NUDCD3: variants seen among roughly 807,000 people sequenced by gnomAD.
NUDCD3 encodes nudC domain-containing protein 3.
A neutral mutation model predicts 39.7 loss-of-function variants in NUDCD3; 13 were observed. The ratio of observed to expected loss-of-function variants is 0.33; its 90% confidence interval spans 0.21 to 0.52. The LOEUF is 0.52. NUDCD3 is among the 20% of genes least tolerant of loss of function. The pLI, the probability that NUDCD3 is intolerant of heterozygous loss-of-function variation, is 0.96. For synonymous variants in NUDCD3, 175 were observed against 172.4 expected (o/e 1.02, Z -0.12); for missense variants, 453 against 458.1 (o/e 0.99, Z 0.10).
chr7:44,466,243 T>G (rs1800116296), intron 2 of NUDCD3, among the ~76,000 whole-genome samples: 1 of 151,928 alleles, frequency 6.6e-6, no homozygotes, highest in African/African-American at 2.4e-5. Flanking sequence ...CACCCTAAAT[T>G]GGAAAATACT....
chr7:44,430,946 G>A (rs1174305485), intron 2 of NUDCD3, among the ~76,000 whole-genome samples: 5 of 152,140 alleles, frequency 3.3e-5, no homozygotes, highest in African/African-American at 4.8e-5. Flanking sequence ...TCCTCCTGCC[G>A]TGTCCTCAGT....
intron 4 of NUDCD3, among the ~76,000 whole-genome samples, chr7:44,403,882 G>A (rs1011843885): frequency 4.6e-5 from 7 of 152,112 alleles, no homozygotes; most frequent in Admixed American, 6.5e-5. Context: ...ACCTCCACTT[G>A]GGCACCAGCA....
chr7:44,485,524 T>C, intron 1 of NUDCD3: 1 of 477,486 alleles, frequency 2.1e-6, no homozygotes, highest in South Asian at 3.4e-5. Context: ...TAACAATATT[T>C]ACATACCTAA....
At chr7:44,427,004 G>C (rs554821809) in intron 3 of NUDCD3, among the ~76,000 whole-genome samples, 10 of 152,174 alleles carry the variant, frequency 6.6e-5, no homozygotes, top group Admixed American at 3.9e-4. Flanking sequence ...CACCATACAC[G>C]GGGAGGTGCT....
intron 4 of NUDCD3, among the ~76,000 whole-genome samples, chr7:44,401,686 G>A (rs151011051): frequency 1.1e-4 from 16 of 152,278 alleles, no homozygotes; most frequent in African/African-American, 3.1e-4. Context: ...CCGTGTTCAC[G>A]GGCAGTGACA....
At chr7:44,457,475 A>G (rs902660989) in intron 2 of NUDCD3, among the ~76,000 whole-genome samples, 7 of 152,378 alleles carry the variant, frequency 4.6e-5, no homozygotes, top group Non-Finnish European at 8.8e-5. Flanking sequence ...GCAGGTTACA[A>G]GATCACTATA....
chr7:44,451,886 G>A (rs983549827), intron 2 of NUDCD3, among the ~76,000 whole-genome samples: 1 of 151,852 alleles, frequency 6.6e-6, no homozygotes, highest in African/African-American at 2.4e-5. Flanking sequence ...TCACCTGAGA[G>A]AAAAAACAAA....
rs550961166 is a variant in NUDCD3 at position 44,414,541 on chromosome 7, A to G, written c.643-9958T>C. ...CATGCATAAAAATATTTGTTGAAATATCCCCAAAACCAGTTATGTGATGAC... is the reference window on the plus strand; with the variant it reads ...CATGCATAAAAATATTTGTTGAAATGTCCCCAAAACCAGTTATGTGATGAC... On this transcript the variant is annotated intron_variant, in intron 3 of 5. Transcript: ENST00000355451. Among the ~76,000 whole-genome samples, 12 of 152,342 alleles carry G rather than the reference A, an allele frequency of 7.9e-5. No homozygotes were observed. In the South Asian group the frequency reaches 2.5e-3, roughly 32 times the overall value.
intron 2 of NUDCD3, among the ~76,000 whole-genome samples, chr7:44,482,002 G>A (rs1400632547): frequency 6.6e-6 from 1 of 152,116 alleles, no homozygotes; most frequent in East Asian, 1.9e-4. Context: ...CCAGAACTGT[G>A]AGCAATAAAT....
chr7:44,484,300 A>G (rs934660390), intron 2 of NUDCD3: 11 of 152,292 alleles, frequency 7.2e-5, no homozygotes, highest in African/African-American at 2.4e-4. Context: ...CCCACAAAAC[A>G]TAACTCCTAA....
intron 3 of NUDCD3, among the ~76,000 whole-genome samples, chr7:44,416,888 A>G (rs1585065016): frequency 6.6e-6 from 1 of 152,194 alleles, no homozygotes; most frequent in South Asian, 2.1e-4. Flanking sequence ...AGCTCTCAGT[A>G]GCCCTCATGG....
chr7:44,425,410 CATAT>C (rs1420807136), intron 3 of NUDCD3, among the ~76,000 whole-genome samples: 1 of 152,152 alleles, frequency 6.6e-6, no homozygotes, highest in East Asian at 1.9e-4. Context: ...CAGTTTCTGG[CATAT>C]ATCAAATTTT....
intron 2 of NUDCD3, among the ~76,000 whole-genome samples, chr7:44,473,272 A>G (rs898727970): frequency 9.2e-5 from 14 of 152,186 alleles, no homozygotes; most frequent in African/African-American, 3.4e-4. Context: ...TTTATGTTTT[A>G]TGGACCAAAC....
chr7:44,412,943 G>GA (rs1294502339), intron 3 of NUDCD3, among the ~76,000 whole-genome samples: 62 of 126,386 alleles, frequency 4.9e-4, no homozygotes, highest in African/African-American at 7.5e-4. Flanking sequence ...AAAAAAAAAA[G>GA]AAAAAAAAAA....
intron 2 of NUDCD3, among the ~76,000 whole-genome samples, chr7:44,434,246 A>C: frequency 6.6e-6 from 1 of 152,210 alleles, no homozygotes; most frequent in South Asian, 2.1e-4. Context: ...CTGGGCCCCC[A>C]GCTGCCAGGT....
chr7:44,392,329 T>G lies in NUDCD3; in HGVS notation c.943A>C (p.Lys315Gln). Residue 315 changes from lysine (K) to glutamine (Q), a missense_variant, in exon 5 of 6, where the codon AAG becomes CAG. Lys to Gln is a moderately conservative substitution (Grantham distance 53, BLOSUM62 1). Coordinates refer to ENST00000355451, the MANE Select transcript of NUDCD3 (RefSeq NM_015332.4). ...LDRLTFDYHQ[K>Q]LQGKPQSHEL... Reference sequence around the variant, plus strand: ...TGGCTCTGTGGCTTGCCCTGCAGCTTCTGGTGGTAGTCAAAGGTAAGCCTG... The same window carrying G: ...TGGCTCTGTGGCTTGCCCTGCAGCTGCTGGTGGTAGTCAAAGGTAAGCCTG... 6.2e-7 allele frequency: 1 copy of G among 1,614,176 alleles called. No homozygotes were observed.
rs1798386296 is a variant in NUDCD3, at chr7:44,385,468, A to T, written c.*543T>A. 6.5e-6 allele frequency: 1 copy of T among 153,994 alleles called. No homozygotes were observed. The highest frequency in any genetic ancestry group is 2.4e-5 in the African/African-American group (1 of 41,310). 9.5% of individuals were successfully genotyped at this position (153,994 alleles called of 1,614,324 possible). On this transcript the variant is annotated 3_prime_UTR_variant, in exon 6 of 6. Transcript: ENST00000355451. Reference sequence around the variant, plus strand: ...AAGCACATTTATAAGGGGATGAGCAAGAAGACCACGTGAATGCTCTCAAAA... The same window carrying T: ...AAGCACATTTATAAGGGGATGAGCATGAAGACCACGTGAATGCTCTCAAAA...
chr7:44,480,143 C>G (rs1376519948), intron 2 of NUDCD3, among the ~76,000 whole-genome samples: 1 of 152,220 alleles, frequency 6.6e-6, no homozygotes, highest in Non-Finnish European at 1.5e-5. Flanking sequence ...AACTCTAATT[C>G]TAACCCAGAA....
chr7:44,390,373 A>T (rs1320809277), intron 5 of NUDCD3, among the ~76,000 whole-genome samples: 2 of 152,152 alleles, frequency 1.3e-5, no homozygotes, highest in East Asian at 1.9e-4. Flanking sequence ...CAAAAAATTT[A>T]AAAAATAAAA....
Sources: allele counts gnomAD v4.1 joint callset (sites outside exome capture counted in the v4.1 genomes callset), GRCh38; gene constraint gnomAD v4.1.1; transcripts MANE v1.5; gene names NCBI Gene and HGNC (gene_info 2026-07-23, HGNC 2026-07-21).